The following BARX2 variants were observed in gnomAD, a reference collection of about 807,000 sequenced individuals.
BARX2 encodes BARX homeobox 2, also known as homeobox protein BarH-like 2.
A neutral mutation model predicts 25.5 loss-of-function variants in BARX2; 11 were observed. The ratio of observed to expected loss-of-function variants is 0.43; its 90% CI spans 0.27 to 0.71. The LOEUF is 0.71. Among genes scored for constraint, BARX2 ranks in the 30% least tolerant of loss-of-function variants. BARX2 has a pLI of 0.19. For missense variants in BARX2, 360 were observed against 359.9 expected (o/e 1.00, Z 0.00); for synonymous variants, 137 against 149.5 (o/e 0.92, Z 0.61).
chr11:129,410,874 A>G (rs915546152), intron 1 of BARX2, among the ~76,000 whole-genome samples: 2 of 152,094 alleles, frequency 1.3e-5, no homozygotes, highest in Non-Finnish European at 2.9e-5. Flanking sequence ...CCTGGTCCAG[A>G]CCCTCTTCAG....
chr11:129,432,206 G>A (rs763436057), intron 1 of BARX2, among the ~76,000 whole-genome samples: 80 of 152,044 alleles, frequency 5.3e-4, no homozygotes, highest in Non-Finnish European at 6.2e-4. Context: ...GGGATTACAG[G>A]TGCGTGCCAC....
chr11:129,406,156 A>G (rs1861827337), intron 1 of BARX2, among the ~76,000 whole-genome samples: 2 of 152,248 alleles, frequency 1.3e-5, no homozygotes, highest in African/African-American at 2.4e-5. Flanking sequence ...ATCATGATAA[A>G]CACACATTCA....
At chr11:129,393,662 T>A (rs1234359977) in intron 1 of BARX2, among the ~76,000 whole-genome samples, 1 of 152,142 alleles carries the variant, frequency 6.6e-6, no homozygotes, top group Non-Finnish European at 1.5e-5. Flanking sequence ...TATTCCAGAA[T>A]GGCTATGATT....
chr11:129,413,424 G>A (rs1591437234), intron 1 of BARX2, among the ~76,000 whole-genome samples: 1 of 152,164 alleles, frequency 6.6e-6, no homozygotes, highest in Admixed American at 6.5e-5. Flanking sequence ...CTTGAATACT[G>A]AGTAAGTGGC....
intron 1 of BARX2, among the ~76,000 whole-genome samples, chr11:129,416,461 C>T (rs940565427): frequency 6.6e-6 from 1 of 152,210 alleles, no homozygotes; most frequent in African/African-American, 2.4e-5. Flanking sequence ...AAGGAGTTGG[C>T]TCAGGGTTTC....
intron 1 of BARX2, among the ~76,000 whole-genome samples, chr11:129,402,169 T>C (rs1861783465): frequency 6.6e-6 from 1 of 152,120 alleles, no homozygotes; most frequent in Admixed American, 6.5e-5. Context: ...CATCCAACTA[T>C]GTGTCTCAGG....
chr11:129,375,691 C>T (rs756067075), upstream of BARX2, among the ~76,000 whole-genome samples: 52 of 151,918 alleles, frequency 3.4e-4, no homozygotes, highest in Non-Finnish European at 7.1e-4. This position sits in a 1 kb window ranked among gnomAD's most constrained non-coding sequence, Gnocchi z 4.0. Context: ...AGCCGCCGGG[C>T]ACTAGGCGCG....
chr11:129,442,689 G>T, intron 2 of BARX2, 146 bp from the exon 3 acceptor site: 1 of 753,426 alleles, frequency 1.3e-6, no homozygotes, highest in Non-Finnish European at 2.4e-6. Flanking sequence ...GGAAAGAAAA[G>T]CGCTTTGGGG....
intron 1 of BARX2, among the ~76,000 whole-genome samples, chr11:129,408,109 C>G (rs533124762): frequency 1.3e-5 from 2 of 150,036 alleles, no homozygotes; most frequent in African/African-American, 4.9e-5. Context: ...AGAACAACCT[C>G]TGCAGGAGTA....
At chr11:129,395,600 C>G (rs1467554427) in intron 1 of BARX2, among the ~76,000 whole-genome samples, 1 of 152,100 alleles carries the variant, frequency 6.6e-6, no homozygotes, top group Admixed American at 6.5e-5. Flanking sequence ...CACGTTCAGC[C>G]CTCTCTCTCT....
chr11:129,442,143 G>A (rs1454667926), intron 2 of BARX2, among the ~76,000 whole-genome samples: 5 of 152,082 alleles, frequency 3.3e-5, no homozygotes, highest in African/African-American at 9.7e-5. Flanking sequence ...TAACAATTTA[G>A]GACAGCTACA....
At chr11:129,417,869 G>A (rs948215697) in intron 1 of BARX2, among the ~76,000 whole-genome samples, 1 of 152,112 alleles carries the variant, frequency 6.6e-6, no homozygotes, top group Non-Finnish European at 1.5e-5. Flanking sequence ...TCTATTTTCT[G>A]ATGCAGTTTC....
At chr11:129,430,609 C>A (rs1831460895) in intron 1 of BARX2, among the ~76,000 whole-genome samples, 1 of 152,064 alleles carries the variant, frequency 6.6e-6, no homozygotes, top group Non-Finnish European at 1.5e-5. Context: ...AATTATATAA[C>A]CACCACCGTG....
At chr11:129,375,628 TAGAG>T (rs1275057788), upstream of BARX2, among the ~76,000 whole-genome samples, 1 of 151,126 alleles carries the variant, frequency 6.6e-6, no homozygotes, top group African/African-American at 2.4e-5. The surrounding 1 kb of genome is among the most constrained non-coding windows in gnomAD (Gnocchi z 4.0). Flanking sequence ...CGTCTTAAAA[TAGAG>T]AGCCAGGCAG....
At chr11:129,411,109 C>T (rs1289382033) in intron 1 of BARX2, among the ~76,000 whole-genome samples, 4 of 152,134 alleles carry the variant, frequency 2.6e-5, no homozygotes, top group Admixed American at 6.5e-5. Context: ...CAGTGGCTCA[C>T]GCCTGTAATC....
chr11:129,406,638 C>T (rs1861833208), intron 1 of BARX2, among the ~76,000 whole-genome samples: 1 of 152,180 alleles, frequency 6.6e-6, no homozygotes, highest in African/African-American at 2.4e-5. Context: ...AGGCTCTGCT[C>T]TCTGAGAAGG....
intron 1 of BARX2, among the ~76,000 whole-genome samples, chr11:129,392,518 T>C (rs111576848): frequency 6.6e-6 from 1 of 152,154 alleles, no homozygotes; most frequent in African/African-American, 2.4e-5. Flanking sequence ...AAAACAATAA[T>C]AATAACAATA....
chr11:129,421,646 G>A (rs1407455693), intron 1 of BARX2, among the ~76,000 whole-genome samples: 5 of 152,270 alleles, frequency 3.3e-5, no homozygotes, highest in African/African-American at 7.2e-5. Context: ...GAAATCTTCC[G>A]ATCACTGACT....
intron 3 of BARX2, among the ~76,000 whole-genome samples, chr11:129,449,725 G>A (rs2135418800): frequency 6.6e-6 from 1 of 152,260 alleles, no homozygotes; most frequent in South Asian, 2.1e-4. Context: ...CTCGACTCTA[G>A]GGAAAGGTTT....
Sources: gnomAD v4.1 joint callset for allele counts (sites outside exome capture counted in the v4.1 genomes callset) on GRCh38, gnomAD v4.1.1 for gene constraint, Gnocchi (gnomAD v3.1) non-coding constraint, MANE v1.5 for transcripts, NCBI Gene and HGNC (gene_info 2026-07-23, HGNC 2026-07-21) for gene names.